The following SDK1 variants were observed in gnomAD, a reference collection of about 807,000 sequenced individuals.
SDK1 encodes sidekick cell adhesion molecule 1.
SDK1 carries 157 observed loss-of-function variants against 245.5 expected under a neutral mutation model. The ratio of observed to expected loss-of-function variants is 0.64; its 90% CI spans 0.56 to 0.73. The LOEUF (loss-of-function observed/expected upper bound fraction) is 0.73. SDK1 is among the 30% of genes least tolerant of loss of function. The pLI is 0.00. For synonymous variants in SDK1, 1,647 were observed against 1,278.5 expected, an observed-to-expected ratio of 1.29 and a Z score of -6.15; for missense variants, 3,583 against 3,002.3, an observed-to-expected ratio of 1.19 and a Z score of -4.52.
chr7:4,239,356 GCT>G (rs1562469826), intron 42 of SDK1, among the ~76,000 whole-genome samples: 1 of 152,184 alleles, frequency 6.6e-6, no homozygotes, highest in African/African-American at 2.4e-5. Flanking sequence ...TGCTAAATGT[GCT>G]CTGTCTCTCT....
intron 35 of SDK1, among the ~76,000 whole-genome samples, chr7:4,190,941 C>T (rs1783168231): frequency 6.6e-6 from 1 of 152,214 alleles, no homozygotes; most frequent in African/African-American, 2.4e-5. Flanking sequence ...AGGTGCGAGC[C>T]TAGCCAGGCT....
intron 19 of SDK1, among the ~76,000 whole-genome samples, chr7:4,064,383 C>G (rs1393044243): frequency 6.6e-6 from 1 of 152,118 alleles, no homozygotes; most frequent in Non-Finnish European, 1.5e-5. Context: ...ACCATTTTAT[C>G]CCAGTCAGAA....
chr7:4,147,061 C>A (rs1437464656), intron 29 of SDK1, among the ~76,000 whole-genome samples: 1 of 152,234 alleles, frequency 6.6e-6, no homozygotes, highest in Non-Finnish European at 1.5e-5. Flanking sequence ...AGCCCCAGCT[C>A]CCACTCCAGG....
rs987938356 is a variant in SDK1 at position 3,811,239 on chromosome 7, C to T, written c.714-10211C>T. 5.3e-5 allele frequency among the ~76,000 whole-genome samples: 8 copies of T among 152,152 alleles called. No individual in the cohort carries two copies. In the East Asian group the frequency reaches 5.8e-4, roughly 11 times the overall value. ...ACAGATGAGAAAGCCAAGTGATGAG[C>T]CTGTGGGAGTAAAATCGGGGCCAGA... On this transcript the variant is annotated intron_variant, in intron 4 of 44. Transcript: ENST00000404826.
intron 5 of SDK1, among the ~76,000 whole-genome samples, chr7:3,860,878 T>G (rs926170392): frequency 2.6e-5 from 4 of 152,154 alleles, no homozygotes; most frequent in Admixed American, 2.6e-4. Context: ...CCAAAAAAAC[T>G]TGATCAGCCC....
At chr7:3,549,819 A>G (rs1313111231) in intron 1 of SDK1, among the ~76,000 whole-genome samples, 1 of 152,126 alleles carries the variant, frequency 6.6e-6, no homozygotes, top group East Asian at 1.9e-4. Flanking sequence ...CTAATGTGTT[A>G]ACAGAGATCT....
intron 1 of SDK1, among the ~76,000 whole-genome samples, chr7:3,384,989 G>T (rs1583779019): frequency 1.3e-5 from 2 of 152,258 alleles, no homozygotes; most frequent in East Asian, 3.9e-4. Flanking sequence ...CTGGCTTAAA[G>T]TGTGACATTC....
intron 2 of SDK1, among the ~76,000 whole-genome samples, chr7:3,625,891 A>G (rs1782100713): frequency 6.6e-6 from 1 of 151,806 alleles, no homozygotes; most frequent in Admixed American, 6.6e-5. Context: ...CCACAGCAGC[A>G]GCTCAAGTAA....
At chr7:3,737,515 C>T (rs535331441) in intron 4 of SDK1, among the ~76,000 whole-genome samples, 8 of 152,324 alleles carry the variant, frequency 5.3e-5, no homozygotes, top group African/African-American at 1.9e-4. Context: ...TGGCTGGGGA[C>T]TGATGGTGGG....
intron 40 of SDK1, among the ~76,000 whole-genome samples, chr7:4,222,135 A>G (rs10281107): frequency 0.64 from 97,419 of 152,096 alleles, 32,659 homozygotes; most frequent in African/African-American, 0.82. Context: ...TGGCAGGACC[A>G]CGGTGCTAGG....
intron 35 of SDK1, among the ~76,000 whole-genome samples, chr7:4,185,706 G>A (rs1782848853): frequency 6.6e-6 from 1 of 152,174 alleles, no homozygotes; most frequent in African/African-American, 2.4e-5. Context: ...TCCACCTGAG[G>A]ACAGGTCTTT....
chr7:4,229,989 G>T (rs1785646370), intron 40 of SDK1, among the ~76,000 whole-genome samples: 1 of 147,952 alleles, frequency 6.8e-6, no homozygotes, highest in African/African-American at 2.5e-5. Context: ...TGGGTGGAAG[G>T]AAGAATGGAT....
Position 3,346,807 on chromosome 7 carries a change from G to GTGTATA in SDK1, c.298+44924_298+44925insGTATAT, listed in dbSNP as rs796252256. On this transcript the variant is annotated intron_variant, in intron 1 of 44. Coordinates refer to ENST00000404826, the MANE Select transcript of SDK1 (RefSeq NM_152744.4). ...TATATATGTATGTGTGTGTGTGTGT[G>GTGTATA]TATATATATATATATATATATTTTT... Among the ~76,000 whole-genome samples the GTGTATA allele has an allele frequency of 4.5e-3, 192 of 42,198 alleles. 2 individuals are homozygous for GTGTATA. The highest frequency in any genetic ancestry group is 8.4e-3 in the East Asian group (11 of 1,308). The allele number at this position is 42,198 out of a possible 152,430, so 27.7% of individuals were successfully genotyped here. A position where few individuals can be genotyped will look rare whatever the true frequency, so the allele number is the denominator to read the frequency against.
At chr7:4,191,160 C>CGCG (rs1368407294) in intron 35 of SDK1, among the ~76,000 whole-genome samples, 1 of 152,174 alleles carries the variant, frequency 6.6e-6, no homozygotes, top group African/African-American at 2.4e-5. Flanking sequence ...AGGCCAACCC[C>CGCG]GCGGCGGTCA....
intron 1 of SDK1, among the ~76,000 whole-genome samples, chr7:3,580,694 C>T (rs115493376): frequency 2.4e-3 from 358 of 152,132 alleles, no homozygotes; most frequent in African/African-American, 8.1e-3. Context: ...ATGGGCTGGG[C>T]GTGGTGGCTC....
At chr7:3,559,952 C>G (rs1318008717) in intron 1 of SDK1, among the ~76,000 whole-genome samples, 1 of 152,116 alleles carries the variant, frequency 6.6e-6, no homozygotes, top group Non-Finnish European at 1.5e-5. Flanking sequence ...GTACTCAGCA[C>G]CTCACAACTT....
At chr7:3,669,568 T>G (rs1428707663) in intron 4 of SDK1, among the ~76,000 whole-genome samples, 6 of 152,180 alleles carry the variant, frequency 3.9e-5, no homozygotes, top group Non-Finnish European at 7.3e-5. Context: ...CTCTTCTTCT[T>G]AGACCTCTTT....
chr7:3,882,289 G>A (rs551053502), intron 5 of SDK1, among the ~76,000 whole-genome samples: 3 of 152,288 alleles, frequency 2.0e-5, no homozygotes, highest in Admixed American at 1.3e-4. Context: ...ATCACCAGGT[G>A]GGGGGTGGCT....
intron 38 of SDK1, among the ~76,000 whole-genome samples, chr7:4,219,675 G>C (rs755321784): frequency 6.6e-6 from 1 of 152,004 alleles, no homozygotes; most frequent in Non-Finnish European, 1.5e-5. Flanking sequence ...CCCCTCCCTC[G>C]TGACTATGTC....
Sources: allele counts gnomAD v4.1 joint callset (sites outside exome capture counted in the v4.1 genomes callset), GRCh38; gene constraint gnomAD v4.1.1; transcripts MANE v1.5; gene names NCBI Gene and HGNC (gene_info 2026-07-23, HGNC 2026-07-21).